The following PRSS23 variants were observed in gnomAD, a reference collection of about 807,000 sequenced individuals.
PRSS23 encodes the protein protease, serine 23.
PRSS23 carries 25 observed loss-of-function variants against 34.7 expected under a neutral mutation model. The ratio of observed to expected loss-of-function variants is 0.72; its 90% CI spans 0.53 to 1.01. The LOEUF (loss-of-function observed/expected upper bound fraction) is 1.01. PRSS23 is among the 50% of genes least tolerant of loss of function. The pLI, the probability that PRSS23 is intolerant of heterozygous loss-of-function variation, is 0.00. For missense variants in PRSS23, 445 were observed against 475.6 expected (o/e 0.94, Z 0.60); for synonymous variants, 176 against 186.6 (o/e 0.94, Z 0.46).
At chr11:86,890,392 G>T (rs1418263603) in intron 2 of PRSS23, among the ~76,000 whole-genome samples, 1 of 152,096 alleles carries the variant, frequency 6.6e-6, no homozygotes, top group Non-Finnish European at 1.5e-5. Context: ...CAGAACAAAA[G>T]TTTACATCAG....
intron 1 of PRSS23, among the ~76,000 whole-genome samples, chr11:86,816,865 G>T (rs921804053): frequency 2.0e-5 from 3 of 152,072 alleles, no homozygotes; most frequent in Admixed American, 2.0e-4. Flanking sequence ...GCTTTGTTTT[G>T]TTCTTCAAGC....
intron 2 of PRSS23, among the ~76,000 whole-genome samples, chr11:86,897,197 C>G (rs1006727444): frequency 3.3e-5 from 5 of 152,170 alleles, no homozygotes; most frequent in Admixed American, 6.5e-5. Flanking sequence ...CCCTCATCTA[C>G]TTAAAGGAAA....
chr11:86,939,539 A>T (rs1281937268), intron 2 of PRSS23, among the ~76,000 whole-genome samples: 2 of 150,704 alleles, frequency 1.3e-5, no homozygotes, highest in Non-Finnish European at 3.0e-5. Context: ...CAGAATCACA[A>T]TACATTTTTA....
At chr11:86,910,118 T>C (rs866118387) in intron 2 of PRSS23, 1 of 152,318 alleles carries the variant, frequency 6.6e-6, no homozygotes, top group Middle Eastern at 3.4e-3. Flanking sequence ...AAATACATGA[T>C]TATACACAGA....
At chr11:86,841,252 T>G (rs1590889035) in intron 2 of PRSS23, among the ~76,000 whole-genome samples, 2 of 146,990 alleles carry the variant, frequency 1.4e-5, no homozygotes, top group South Asian at 4.3e-4. Context: ...GGCAGGAGAA[T>G]CCCTTGAACC....
intron 2 of PRSS23, among the ~76,000 whole-genome samples, chr11:86,844,584 G>T (rs1315553265): frequency 7.2e-5 from 11 of 152,094 alleles, no homozygotes; most frequent in Admixed American, 6.6e-4. Context: ...AAGCAATAAG[G>T]TTTACCTGCC....
intron 2 of PRSS23, among the ~76,000 whole-genome samples, chr11:86,838,635 G>A (rs1216589223): frequency 1.3e-5 from 2 of 152,192 alleles, no homozygotes; most frequent in Non-Finnish European, 2.9e-5. Flanking sequence ...TCTCAGCATG[G>A]CATTCGAGCT....
intron 2 of PRSS23, among the ~76,000 whole-genome samples, chr11:86,867,615 C>T (rs977346452): frequency 6.6e-6 from 1 of 152,212 alleles, no homozygotes; most frequent in Non-Finnish European, 1.5e-5. Context: ...CACAGTGGCT[C>T]ATGCCTGTAA....
At chr11:86,888,528 G>A (rs924307309) in intron 2 of PRSS23, among the ~76,000 whole-genome samples, 5 of 152,232 alleles carry the variant, frequency 3.3e-5, no homozygotes, top group South Asian at 2.1e-4. Flanking sequence ...TACAATCCCC[G>A]CCAGAAAAAC....
At chr11:86,800,458 C>A, upstream of PRSS23, 2 of 983,814 alleles carry the variant, frequency 2.0e-6, no homozygotes, top group Non-Finnish European at 1.2e-6. Flanking sequence ...CGCGGCTTCC[C>A]CGAGGCCGGA....
chr11:86,827,859 C>G (rs538170863), intron 2 of PRSS23, among the ~76,000 whole-genome samples: 1 of 152,150 alleles, frequency 6.6e-6, no homozygotes, highest in African/African-American at 2.4e-5. Context: ...GTCTGAGAGA[C>G]AGTTTGTAAT....
intron 2 of PRSS23, among the ~76,000 whole-genome samples, chr11:86,889,755 A>T (rs1449412609): frequency 6.6e-6 from 1 of 152,206 alleles, no homozygotes; most frequent in Non-Finnish European, 1.5e-5. Context: ...ACTCAGCTTC[A>T]CCTGTCACTC....
chr11:86,857,313 C>T (rs536487364), intron 2 of PRSS23: 56 of 530,432 alleles, frequency 1.1e-4, no homozygotes, highest in African/African-American at 3.3e-4. Flanking sequence ...TCCCATCTGA[C>T]GATGGAATTC....
chr11:86,912,891 A>G (rs931107026), intron 2 of PRSS23, among the ~76,000 whole-genome samples: 1 of 152,186 alleles, frequency 6.6e-6, no homozygotes, highest in African/African-American at 2.4e-5. Context: ...CTTTTGTTAC[A>G]TTCATCCAAA....
rs999049411 is a variant in PRSS23, at chr11:86,853,073, C to T, written c.206+29480C>T. ...TTCACCATATTGGCCAGGCTGGTCT[C>T]AAACTCCTGACCTTAAGTGATCCAC... On this transcript the variant is annotated intron_variant, in intron 2 of 2. Coordinates refer to the PRSS23 transcript ENST00000533902. 9.9e-5 allele frequency among the ~76,000 whole-genome samples: 15 copies of T among 151,492 alleles called. 1 individual carries two copies. The highest frequency in any genetic ancestry group is 2.9e-4 in the African/African-American group (12 of 41,196).
At chr11:86,844,280 G>A (rs1948470149) in intron 2 of PRSS23, among the ~76,000 whole-genome samples, 1 of 152,176 alleles carries the variant, frequency 6.6e-6, no homozygotes, top group Admixed American at 6.5e-5. Context: ...GCAGCTGGGA[G>A]AGGGATAGCA....
At chr11:86,907,049 T>C (rs1291404042) in intron 2 of PRSS23, among the ~76,000 whole-genome samples, 2 of 152,224 alleles carry the variant, frequency 1.3e-5, no homozygotes, top group Non-Finnish European at 2.9e-5. Context: ...AGCTGCGTTG[T>C]TTTTATTTGT....
intron 2 of PRSS23, among the ~76,000 whole-genome samples, chr11:86,895,912 A>T (rs575717636): frequency 3.4e-4 from 51 of 152,212 alleles, no homozygotes; most frequent in Admixed American, 6.5e-4. Flanking sequence ...TGATCAGTCC[A>T]TCCAAAATTT....
intron 2 of PRSS23, among the ~76,000 whole-genome samples, chr11:86,856,184 T>A (rs1210855940): frequency 6.6e-6 from 1 of 152,172 alleles, no homozygotes; most frequent in African/African-American, 2.4e-5. Flanking sequence ...AAGAACAGCA[T>A]AATAAAAATT....
Sources: gnomAD v4.1 joint callset for allele counts (sites outside exome capture counted in the v4.1 genomes callset) on GRCh38, gnomAD v4.1.1 for gene constraint, MANE v1.5 for transcripts, NCBI Gene and HGNC (gene_info 2026-07-23, HGNC 2026-07-21) for gene names.